Variants in KMO observed in about 807,000 individuals in gnomAD.
KMO encodes kynurenine 3-monooxygenase, also known as kynurenine 3-hydroxylase.
A neutral mutation model predicts 57.8 loss-of-function variants in KMO; 24 were observed. The ratio of observed to expected loss-of-function variants is 0.42; its 90% CI spans 0.30 to 0.58. KMO has a LOEUF of 0.58. KMO is among the 20% of genes least tolerant of loss of function. KMO has a pLI of 0.22. For synonymous variants in KMO, 210 were observed against 193.6 expected (o/e 1.08, Z -0.70); for missense variants, 483 against 588.2 (o/e 0.82, Z 1.85).
At chr1:241,554,925 T>G (rs1197324861) in intron 4 of KMO, among the ~76,000 whole-genome samples, 2 of 150,994 alleles carry the variant, frequency 1.3e-5, no homozygotes, top group African/African-American at 4.9e-5. Flanking sequence ...GAGGTTGCAG[T>G]GAGCTGAGAT....
chr1:241,550,655 T>C (rs1025444280), intron 3 of KMO, among the ~76,000 whole-genome samples: 3 of 152,196 alleles, frequency 2.0e-5, no homozygotes, highest in Admixed American at 6.5e-5. Flanking sequence ...CTTTTTGTCA[T>C]GATGAGAAAA....
chr1:241,558,744 G>A (rs933607068), intron 5 of KMO, among the ~76,000 whole-genome samples: 4 of 149,060 alleles, frequency 2.7e-5, no homozygotes, highest in South Asian at 4.3e-4. Flanking sequence ...TACCAGGCAC[G>A]TGTATACTTT....
Position 241,572,981 on chromosome 1 carries a change from G to A in KMO, c.957+4334G>A, listed in dbSNP as rs149923307. Reference sequence around the variant, plus strand: ...AAAATATTATTTCATACTTTTTTACGGTTGAGTAGTATTCCATGGTGTATA... The same window carrying A: ...AAAATATTATTTCATACTTTTTTACAGTTGAGTAGTATTCCATGGTGTATA... On this transcript the variant is annotated intron_variant, in intron 10 of 14. Coordinates refer to ENST00000366559, the MANE Select transcript of KMO (RefSeq NM_003679.5). 1.5e-3 allele frequency among the ~76,000 whole-genome samples: 223 copies of A among 152,074 alleles called. 2 individuals carry two copies. The South Asian group carries it at 0.031, about 21-fold the overall frequency.
In KMO at chr1:241,593,098, A is replaced by G. The variant is rs941723458; in HGVS notation, c.*945A>G. The G allele has an allele frequency of 1.9e-5, 4 of 205,240 alleles. No individual in the cohort carries two copies. The Admixed American group carries it at 2.0e-4, about 10-fold the overall frequency. The allele number at this position is 205,240 out of a possible 1,614,324, so 12.7% of individuals were successfully genotyped here. A position where few individuals can be genotyped will look rare whatever the true frequency, so the allele number is the denominator to read the frequency against. On this transcript the variant is annotated 3_prime_UTR_variant, in exon 15 of 15. Transcript: ENST00000366559. ...CCCAGAGTTACCCTCTAAAGATAAG[A>G]AAAAGGCTATTAATATCATACTAAG...
intron 2 of KMO, among the ~76,000 whole-genome samples, chr1:241,549,264 A>AGCCG (rs779503814): frequency 7.4e-6 from 1 of 135,838 alleles, no homozygotes. Flanking sequence ...AAAGAAAGAA[A>AGCCG]GAAAGGAAGG....
In KMO at chr1:241,569,364, A is replaced by G. The variant is rs570257555; in HGVS notation, c.957+717A>G. ...CTCTGGGGAGCATCATTCTATCTCC[A>G]TAAGTTTAATTTTTATAGCTCCCTC... On this transcript the variant is annotated intron_variant, in intron 10 of 14. Transcript: ENST00000366559. Among the ~76,000 whole-genome samples, 13 of 151,582 alleles carry G rather than the reference A, an allele frequency of 8.6e-5. No individual in the cohort carries two copies. In the East Asian group the frequency reaches 2.3e-3, roughly 27 times the overall value.
intron 3 of KMO, 178 bp downstream of exon 3, chr1:241,549,952 G>A (rs77057340): frequency 1.0e-3 from 541 of 541,156 alleles, no homozygotes; most frequent in African/African-American, 9.3e-3. Flanking sequence ...TTGGACACTC[G>A]AGGCACCCGA....
At chr1:241,582,743 T>A (rs1662799981) in intron 10 of KMO, among the ~76,000 whole-genome samples, 3 of 152,236 alleles carry the variant, frequency 2.0e-5, no homozygotes. Flanking sequence ...TCATATATCT[T>A]TGTCACTCCA....
chr1:241,544,518 T>C (rs906717239), intron 1 of KMO, among the ~76,000 whole-genome samples: 11 of 152,276 alleles, frequency 7.2e-5, no homozygotes, highest in East Asian at 1.9e-4. Context: ...ATTTAAGAGA[T>C]TGTAGAAATA....
intron 5 of KMO, 36 bp from the exon 6 acceptor site, chr1:241,560,629 T>C: frequency 7.0e-7 from 1 of 1,419,074 alleles, no homozygotes; most frequent in Non-Finnish European, 1.0e-6. Context: ...AGAATTGAGA[T>C]TTCATTTCTG....
intron 10 of KMO, among the ~76,000 whole-genome samples, chr1:241,581,811 A>C (rs543153529): frequency 6.6e-6 from 1 of 152,158 alleles, no homozygotes; most frequent in Admixed American, 6.5e-5. Flanking sequence ...TACTGCAGTT[A>C]CAGTGTTAAT....
intron 10 of KMO, among the ~76,000 whole-genome samples, chr1:241,576,713 T>TA (rs1265885313): frequency 2.5e-5 from 1 of 39,546 alleles, no homozygotes; most frequent in Non-Finnish European, 1.1e-4. Flanking sequence ...GATAGCTTGA[T>TA]AACATACACC....
At chr1:241,542,284 T>A (rs768936119) in intron 1 of KMO, among the ~76,000 whole-genome samples, 1 of 152,098 alleles carries the variant, frequency 6.6e-6, no homozygotes, top group Non-Finnish European at 1.5e-5. Flanking sequence ...TACCTCAACA[T>A]TTATAGAAAG....
chr1:241,554,339 C>T (rs568524804), intron 4 of KMO, among the ~76,000 whole-genome samples: 1 of 151,274 alleles, frequency 6.6e-6, no homozygotes, highest in Non-Finnish European at 1.5e-5. Flanking sequence ...GGCTGAAGTG[C>T]AGTAATGTGA....
At position 241,591,904 on chromosome 1, in the gene KMO, A is replaced by G. The variant is rs1459752700; in HGVS notation, c.1261-49A>G. 2.0e-6 allele frequency: 3 copies of G among 1,489,506 alleles called. No individual in the cohort carries two copies. The East Asian group carries it at 6.8e-5, about 34-fold the overall frequency. The allele number at this position is 1,489,506 out of a possible 1,614,324, so 92.3% of individuals were successfully genotyped here. On this transcript the variant is annotated intron_variant, in intron 14 of 14. Coordinates refer to ENST00000366559, the MANE Select transcript of KMO (RefSeq NM_003679.5). Reference sequence around the variant, plus strand: ...TTGTTAAAAAATGAAGTCTATTTTCAGATTTTAATCTCTGGACAAATGAAA... The same window carrying G: ...TTGTTAAAAAATGAAGTCTATTTTCGGATTTTAATCTCTGGACAAATGAAA...
intron 10 of KMO, among the ~76,000 whole-genome samples, chr1:241,577,435 G>T (rs573859050): frequency 6.6e-6 from 1 of 151,986 alleles, no homozygotes; most frequent in East Asian, 1.9e-4. Flanking sequence ...ACCCTGTTAA[G>T]GATGTGATTT....
intron 1 of KMO, among the ~76,000 whole-genome samples, chr1:241,537,948 T>C (rs896447745): frequency 2.0e-5 from 3 of 152,070 alleles, no homozygotes; most frequent in Non-Finnish European, 4.4e-5. Flanking sequence ...AGTTTTGCAG[T>C]AAAGAGAAGA....
rs899237075 is a variant in KMO at position 241,587,951 on chromosome 1, C to T, written c.1016-797C>T. Among the ~76,000 whole-genome samples, 4 of 152,084 alleles carry T rather than the reference C, an allele frequency of 2.6e-5. No homozygotes were observed. In the East Asian group the frequency reaches 7.7e-4, roughly 29 times the overall value. On this transcript the variant is annotated intron_variant, in intron 11 of 14. Coordinates refer to ENST00000366559, the MANE Select transcript of KMO (RefSeq NM_003679.5). ...AACTGGATAACCTTTTCCTACTTCC[C>T]AGCATCACGTGCTTTCAAAGGCCAC...
chr1:241,549,350 AAGAT>A (rs1027378202), intron 2 of KMO, among the ~76,000 whole-genome samples: 26 of 151,404 alleles, frequency 1.7e-4, no homozygotes, highest in Admixed American at 2.6e-4. Flanking sequence ...GAAAGAAAGA[AAGAT>A]AGAAGGAAAG....
Sources: allele counts gnomAD v4.1 joint callset (sites outside exome capture counted in the v4.1 genomes callset), GRCh38; gene constraint gnomAD v4.1.1; transcripts MANE v1.5; gene names NCBI Gene and HGNC (gene_info 2026-07-23, HGNC 2026-07-21).